Variants in GPR141 observed in about 807,000 individuals in gnomAD.
GPR141 encodes probable G protein-coupled receptor 141.
Under a neutral mutation model 6.8 loss-of-function variants are expected in GPR141, and 6 were observed. The ratio of observed to expected loss-of-function variants is 0.88; its 90% CI spans 0.48 to 1.74. The LOEUF is 1.74. Among genes scored for constraint, GPR141 ranks in the 40% most tolerant of loss-of-function variants. The pLI is 0.01. For synonymous variants in GPR141, 140 were observed against 142.3 expected (o/e 0.98, Z 0.11); for missense variants, 372 against 372.9 (o/e 1.00, Z 0.02).
At chr7:37,721,105 C>A (rs1811304845) in intron 2 of GPR141, among the ~76,000 whole-genome samples, 1 of 151,076 alleles carries the variant, frequency 6.6e-6, no homozygotes, top group African/African-American at 2.4e-5. Flanking sequence ...AGGAAAGGGA[C>A]TTCTGTGTTG....
At chr7:37,722,720 C>CAAA (rs146286812) in intron 2 of GPR141, among the ~76,000 whole-genome samples, 22 of 121,196 alleles carry the variant, frequency 1.8e-4, no homozygotes, top group African/African-American at 6.5e-4. Flanking sequence ...GACTCCATCT[C>CAAA]AAAAAAAAAA....
intron 2 of GPR141, among the ~76,000 whole-genome samples, chr7:37,720,900 T>C (rs1015572985): frequency 6.6e-5 from 10 of 152,186 alleles, no homozygotes; most frequent in Admixed American, 6.6e-4. Flanking sequence ...AGAACTTGAG[T>C]AGGCCTGTTT....
intron 2 of GPR141, among the ~76,000 whole-genome samples, chr7:37,727,214 A>G (rs1395928959): frequency 2.0e-5 from 3 of 152,200 alleles, no homozygotes; most frequent in East Asian, 1.9e-4. Context: ...TAAACATTTT[A>G]TCTTTTCTAT....
chr7:37,724,967 G>A (rs868270828), intron 2 of GPR141, among the ~76,000 whole-genome samples: 1 of 152,190 alleles, frequency 6.6e-6, no homozygotes, highest in Non-Finnish European at 1.5e-5. Context: ...AATTTAGCCA[G>A]TGACAAGCCG....
At chr7:37,720,903 GC>G (rs1811294619) in intron 2 of GPR141, among the ~76,000 whole-genome samples, 1 of 152,100 alleles carries the variant, frequency 6.6e-6, no homozygotes, top group Non-Finnish European at 1.5e-5. Flanking sequence ...ACTTGAGTAG[GC>G]CTGTTTTAAT....
intron 2 of GPR141, among the ~76,000 whole-genome samples, chr7:37,732,472 A>G (rs1000012242): frequency 3.3e-5 from 5 of 152,162 alleles, no homozygotes; most frequent in Non-Finnish European, 7.4e-5. Flanking sequence ...AATTTGATGC[A>G]GATCATCTGA....
At chr7:37,736,369 T>C (rs1249147754) in intron 2 of GPR141, among the ~76,000 whole-genome samples, 1 of 151,922 alleles carries the variant, frequency 6.6e-6, no homozygotes, top group African/African-American at 2.4e-5. Flanking sequence ...TAACTATAAT[T>C]GAACTTTAAG....
intron 2 of GPR141, among the ~76,000 whole-genome samples, chr7:37,695,050 C>A (rs1191784240): frequency 6.6e-6 from 1 of 152,212 alleles, no homozygotes; most frequent in Non-Finnish European, 1.5e-5. Context: ...TGGAGCTGTT[C>A]TGCCAAAGCA....
intron 2 of GPR141, chr7:37,713,520 G>T (rs1047884931): frequency 6.6e-6 from 1 of 152,078 alleles, no homozygotes; most frequent in Non-Finnish European, 1.5e-5. Flanking sequence ...ATCCAAATCT[G>T]ATTGGTGTTA....
intron 2 of GPR141, among the ~76,000 whole-genome samples, chr7:37,690,778 G>A (rs1202002611): frequency 1.3e-5 from 2 of 151,208 alleles, no homozygotes; most frequent in Non-Finnish European, 2.9e-5. Flanking sequence ...AAAAAAAAAA[G>A]TGTATTCTGC....
chr7:37,701,861 G>T (rs535508411), intron 2 of GPR141, among the ~76,000 whole-genome samples: 1 of 152,196 alleles, frequency 6.6e-6, no homozygotes, highest in South Asian at 2.1e-4. Context: ...GCAGCTGCTC[G>T]AAAATCATTA....
chr7:37,722,520 G>A (rs746297436), intron 2 of GPR141, among the ~76,000 whole-genome samples: 16 of 151,708 alleles, frequency 1.1e-4, no homozygotes, highest in Non-Finnish European at 1.9e-4. Context: ...TCAGGAGTTC[G>A]AGACTAGCCT....
intron 2 of GPR141, among the ~76,000 whole-genome samples, chr7:37,708,831 G>T (rs1810660415): frequency 6.6e-6 from 1 of 152,132 alleles, no homozygotes; most frequent in Non-Finnish European, 1.5e-5. Flanking sequence ...ATTACAATGT[G>T]TGTTCAGGTT....
intron 2 of GPR141, among the ~76,000 whole-genome samples, chr7:37,687,886 A>G (rs542944921): frequency 1.3e-5 from 2 of 152,262 alleles, no homozygotes; most frequent in South Asian, 4.1e-4. Flanking sequence ...TAAATCTGTG[A>G]CAAAGCTATT....
intron 2 of GPR141, among the ~76,000 whole-genome samples, chr7:37,732,471 C>G (rs1812015072): frequency 6.6e-6 from 1 of 152,008 alleles, no homozygotes; most frequent in Admixed American, 6.6e-5. Flanking sequence ...CAATTTGATG[C>G]AGATCATCTG....
rs1426433602 is a variant in GPR141 at position 37,704,930 on chromosome 7, C to T, written c.-15+19347C>T. ...TTTTCGCATTTTAGGGTACTTTCCA[C>T]TGTGAACCGAGGTCAACACTAACTG... On this transcript the variant is annotated intron_variant, in intron 2 of 2. Transcript: ENST00000334425. 2.0e-5 allele frequency among the ~76,000 whole-genome samples: 3 copies of T among 152,034 alleles called. No homozygotes were observed. In the East Asian group the frequency reaches 5.8e-4, roughly 29 times the overall value.
intron 2 of GPR141, among the ~76,000 whole-genome samples, chr7:37,725,442 C>T (rs538540382): frequency 1.3e-5 from 2 of 152,158 alleles, no homozygotes; most frequent in East Asian, 1.9e-4. Context: ...GTTCCTGGCA[C>T]GGCATCCTCC....
chr7:37,723,009 CAG>C (rs1811426764), intron 2 of GPR141, among the ~76,000 whole-genome samples: 2 of 113,770 alleles, frequency 1.8e-5, no homozygotes, highest in South Asian at 5.6e-4. Context: ...TTTTTTTTGA[CAG>C]AGTCTCAGTC....
intron 2 of GPR141, among the ~76,000 whole-genome samples, chr7:37,706,238 GACTCTA>G (rs1810516387): frequency 6.6e-6 from 1 of 152,178 alleles, no homozygotes; most frequent in Non-Finnish European, 1.5e-5. Context: ...TGTGGCCAGG[GACTCTA>G]CGGATGCATA....
Sources: allele counts gnomAD v4.1 joint callset (sites outside exome capture counted in the v4.1 genomes callset), GRCh38; gene constraint gnomAD v4.1.1; transcripts MANE v1.5; gene names NCBI Gene and HGNC (gene_info 2026-07-23, HGNC 2026-07-21).